Variants in ZBTB10 observed in about 807,000 individuals in gnomAD.
ZBTB10 encodes zinc finger and BTB domain containing 10.
ZBTB10 carries 32 observed loss-of-function variants against 76.4 expected under a neutral mutation model. That is an observed-to-expected ratio of 0.42 (90% CI 0.32 to 0.56). The LOEUF (loss-of-function observed/expected upper bound fraction) is 0.56. Ranked by LOEUF, ZBTB10 falls within the 20% of genes least tolerant of loss-of-function variation. The probability of loss-of-function intolerance (pLI) is 0.14; values close to 1 mark genes in which losing one functional copy is unlikely to be tolerated. For missense variants in ZBTB10, 1,057 were observed against 1,098.5 expected (o/e 0.96, Z 0.53); for synonymous variants, 523 against 432.9 (o/e 1.21, Z -2.58).
chr8:80,500,762 C>T (rs1815904064), intron 2 of ZBTB10, among the ~76,000 whole-genome samples: 1 of 152,022 alleles, frequency 6.6e-6, no homozygotes, highest in Non-Finnish European at 1.5e-5. Context: ...TTTCAGAGAC[C>T]CCCTTAACCT....
Position 80,496,418 on chromosome 8 carries a change from T to C in ZBTB10, c.973-3076T>C, listed in dbSNP as rs76151146. ...ATATTTAATAGCTGCTGCAAACATA[T>C]GGAATAGTGCTTTAATCAGTGGTGA... On this transcript the variant is annotated intron_variant, in intron 1 of 5. Coordinates refer to ENST00000455036, the MANE Select transcript of ZBTB10 (RefSeq NM_001105539.3). Among the ~76,000 whole-genome samples the C allele has an allele frequency of 1.9e-4, 28 of 151,290 alleles. No individual in the cohort carries two copies. The East Asian group carries it at 5.0e-3, about 27-fold the overall frequency.
rs1190232731 is a variant in ZBTB10, at chr8:80,526,096, G to A, written c.*6568G>A. 6.6e-6 allele frequency: 1 copy of A among 151,972 alleles called. No individual in the cohort carries two copies. Among genetic ancestry groups the A allele is most frequent in the African/African-American group, 2.4e-5 (1 of 41,368 alleles). The allele number at this position is 151,972 out of a possible 1,614,324, so 9.4% of individuals were successfully genotyped here. ...AACCGTCTCCATAACAGAACACTTA[G>A]AATTATTAGCCATTTGCTGCAAAGT... On this transcript the variant is annotated 3_prime_UTR_variant, in exon 6 of 6. Coordinates refer to ENST00000455036, the MANE Select transcript of ZBTB10 (RefSeq NM_001105539.3).
chr8:80,501,744 A>G (rs1384278581), intron 2 of ZBTB10, among the ~76,000 whole-genome samples: 1 of 152,180 alleles, frequency 6.6e-6, no homozygotes, highest in Non-Finnish European at 1.5e-5. Flanking sequence ...CGAATACTAT[A>G]TATCTTTTTC....
rs1472350624 is a variant in ZBTB10 at position 80,521,377 on chromosome 8, G to A, written c.*1849G>A. The A allele has an allele frequency of 1.3e-5, 2 of 151,728 alleles. No homozygotes were observed. The highest frequency in any genetic ancestry group is 2.1e-4 in the South Asian group (1 of 4,820). The allele number at this position is 151,728 out of a possible 1,614,324, so 9.4% of individuals were successfully genotyped here. A position where few individuals can be genotyped will look rare whatever the true frequency, so the allele number is the denominator to read the frequency against. On this transcript the variant is annotated 3_prime_UTR_variant, in exon 6 of 6. Transcript: ENST00000455036. ...TGTATTTCTGGTAGAAATTAGTTGG[G>A]CAAAGATACTATGAATGAAAAAGTA...
At position 80,519,698 on chromosome 8, in the gene ZBTB10, T is replaced by A; in HGVS notation, c.*170T>A. The A allele has an allele frequency of 1.5e-6, 1 of 645,760 alleles. No individual in the cohort carries two copies. Among genetic ancestry groups the A allele is most frequent in the Non-Finnish European group, 2.6e-6 (1 of 384,202 alleles). 40.0% of individuals were successfully genotyped at this position (645,760 alleles called of 1,614,324 possible). On this transcript the variant is annotated 3_prime_UTR_variant, in exon 6 of 6. Coordinates refer to ENST00000455036, the MANE Select transcript of ZBTB10 (RefSeq NM_001105539.3). ...TAGCAAAAAAAATTTTTTTTTATATTTGCACAGGACTATACAGCAAACAAC... is the reference window on the plus strand; with the variant it reads ...TAGCAAAAAAAATTTTTTTTTATATATGCACAGGACTATACAGCAAACAAC...
rs1318847290 is a variant in ZBTB10 at position 80,523,669 on chromosome 8, C to G, written c.*4141C>G. On this transcript the variant is annotated 3_prime_UTR_variant, in exon 6 of 6. Transcript: ENST00000455036. ...TGCTTTCAACTGAAGTTAAAGAATT[C>G]TAGATAGTTTAAAATGTGTTAGGGA... is the stretch of plus-strand genomic sequence containing the variant. 1 of 150,138 alleles carries G rather than the reference C, an allele frequency of 6.7e-6. No individual in the cohort carries two copies. The highest frequency in any genetic ancestry group is 2.1e-4 in the South Asian group (1 of 4,780). The allele number at this position is 150,138 out of a possible 1,614,324, so 9.3% of individuals were successfully genotyped here. A position where few individuals can be genotyped will look rare whatever the true frequency, so the allele number is the denominator to read the frequency against.
In ZBTB10 at chr8:80,500,249, GA is replaced by G; in HGVS notation, c.1733del (p.Asn578ThrfsTer19). The G allele has an allele frequency of 6.3e-7, 1 of 1,587,972 alleles. No individual in the cohort carries two copies. The highest frequency in any genetic ancestry group is 1.8e-5 in the Admixed American group (1 of 55,464). On this transcript the variant is annotated frameshift_variant, in exon 2 of 6. Transcript: ENST00000455036. LOFTEE classifies it high-confidence loss of function. ...TTCAAGAGACTGGCAAAACAAGGAG[GA>G]AAAACCAAACTACAAAAAGATTTAT... ...GIQETGKTRR[K>X]NQTTKRFIYN...
rs1816541385 is a variant in ZBTB10, at chr8:80,525,375, G to A, written c.*5847G>A. 6.6e-6 allele frequency: 1 copy of A among 152,038 alleles called. No individual in the cohort carries two copies. The highest frequency in any genetic ancestry group is 2.4e-5 in the African/African-American group (1 of 41,406). 9.4% of individuals were successfully genotyped at this position (152,038 alleles called of 1,614,324 possible). A position where few individuals can be genotyped will look rare whatever the true frequency, so the allele number is the denominator to read the frequency against. ...CGCCTTACCTGCTATTAATACTGCCGCCTTACTGTCAGCCAGATGATTTTT... is the reference window on the plus strand; with the variant it reads ...CGCCTTACCTGCTATTAATACTGCCACCTTACTGTCAGCCAGATGATTTTT... On this transcript the variant is annotated 3_prime_UTR_variant, in exon 6 of 6. Coordinates refer to ENST00000455036, the MANE Select transcript of ZBTB10 (RefSeq NM_001105539.3).
At chr8:80,513,780 G>A in intron 2 of ZBTB10, 130 bp from the exon 3 acceptor site, 1 of 710,966 alleles carries the variant, frequency 1.4e-6, no homozygotes. Context: ...TTGTAGTATT[G>A]AACACAGTAG....
At chr8:80,488,977 C>A (rs531612554) in intron 1 of ZBTB10, among the ~76,000 whole-genome samples, 2 of 150,634 alleles carry the variant, frequency 1.3e-5, no homozygotes, top group African/African-American at 4.9e-5. Context: ...TGATCCCCCG[C>A]CCCCGCCCCA....
intron 1 of ZBTB10, among the ~76,000 whole-genome samples, chr8:80,496,369 CTT>C (rs537668345): frequency 1.1e-3 from 136 of 127,190 alleles, no homozygotes; most frequent in African/African-American, 2.8e-3. Flanking sequence ...TATGTGGTTT[CTT>C]TTTTTTTTTT....
chr8:80,518,141 A>G (rs1816376160), intron 3 of ZBTB10, among the ~76,000 whole-genome samples: 1 of 151,988 alleles, frequency 6.6e-6, no homozygotes, highest in Admixed American at 6.6e-5. Flanking sequence ...TGCTGGGATT[A>G]TATGCATGAG....
In ZBTB10 at chr8:80,525,126, ACTT is replaced by A. The variant is rs965186195; in HGVS notation, c.*5602_*5604del. Reference sequence around the variant, plus strand: ...CTTAATAGAAAAAGTCACTATCTGAACTTCTTTCTTTTTCACCACAAATCACCG... The same window carrying A: ...CTTAATAGAAAAAGTCACTATCTGAACTTTCTTTTTCACCACAAATCACCG... On this transcript the variant is annotated 3_prime_UTR_variant, in exon 6 of 6. Coordinates refer to ENST00000455036, the MANE Select transcript of ZBTB10 (RefSeq NM_001105539.3). 3.3e-5 allele frequency: 5 copies of A among 152,218 alleles called. No homozygotes were observed. The highest frequency in any genetic ancestry group is 6.5e-5 in the Admixed American group (1 of 15,278). 9.4% of individuals were successfully genotyped at this position (152,218 alleles called of 1,614,324 possible).
chr8:80,501,014 G>A (rs761508338), intron 2 of ZBTB10, among the ~76,000 whole-genome samples: 28 of 152,010 alleles, frequency 1.8e-4, no homozygotes, highest in Non-Finnish European at 2.4e-4. Context: ...CTGCAGGTGC[G>A]TGCCACCACA....
At chr8:80,497,787 A>G (rs750989060) in intron 1 of ZBTB10, among the ~76,000 whole-genome samples, 4 of 146,300 alleles carry the variant, frequency 2.7e-5, no homozygotes, top group Non-Finnish European at 6.0e-5. Flanking sequence ...TCAGCCTCCC[A>G]AGTAGCTGAC....
At chr8:80,513,045 A>G in intron 2 of ZBTB10, among the ~76,000 whole-genome samples, 1 of 152,078 alleles carries the variant, frequency 6.6e-6, no homozygotes, top group Non-Finnish European at 1.5e-5. Context: ...TAACTCATTA[A>G]ATGTTAGGAT....
At chr8:80,503,822 C>T (rs1815984638) in intron 2 of ZBTB10, among the ~76,000 whole-genome samples, 1 of 152,172 alleles carries the variant, frequency 6.6e-6, no homozygotes, top group Non-Finnish European at 1.5e-5. Flanking sequence ...CTGCGCTCTG[C>T]CTGGAATAGT....
chr8:80,494,018 G>A (rs1815718075), intron 1 of ZBTB10, among the ~76,000 whole-genome samples: 1 of 152,170 alleles, frequency 6.6e-6, no homozygotes, highest in Non-Finnish European at 1.5e-5. Context: ...ATTTGTCATT[G>A]CCACTAGCAT....
At chr8:80,513,162 T>C (rs1816241320) in intron 2 of ZBTB10, among the ~76,000 whole-genome samples, 1 of 151,838 alleles carries the variant, frequency 6.6e-6, no homozygotes, top group Non-Finnish European at 1.5e-5. Context: ...TTCTTTTGAG[T>C]TGGGGTCTCA....
Sources: allele counts gnomAD v4.1 joint callset (sites outside exome capture counted in the v4.1 genomes callset), GRCh38; gene constraint gnomAD v4.1.1; transcripts MANE v1.5; gene names NCBI Gene and HGNC (gene_info 2026-07-23, HGNC 2026-07-21).